Variants in COMMD5 observed in about 807,000 individuals in gnomAD.
COMMD5 encodes COMM domain-containing protein 5.
Under a neutral mutation model 6.9 loss-of-function variants are expected in COMMD5, and 10 were observed. That is an observed-to-expected ratio of 1.44 (90% CI 0.89 to 2.45). The LOEUF is 2.45. Ranked by LOEUF, COMMD5 falls within the 30% of genes most tolerant of loss-of-function variation. The pLI is 0.00. For synonymous variants in COMMD5, 127 were observed against 125.3 expected (o/e 1.01, Z -0.09); for missense variants, 234 against 287.8 (o/e 0.81, Z 1.35).
chr8:144,849,427 C>T (rs1428264152), downstream of COMMD5, among the ~76,000 whole-genome samples: 4 of 152,134 alleles, frequency 2.6e-5, no homozygotes, highest in Non-Finnish European at 5.9e-5. Flanking sequence ...CATGTCAGAA[C>T]TGCCCATGGA....
intron 1 of COMMD5, 66 bp downstream of exon 1, chr8:144,852,773 A>C (rs966246150): frequency 1.3e-5 from 2 of 152,040 alleles, no homozygotes; most frequent in Admixed American, 6.5e-5. Flanking sequence ...GGGCGCGGGG[A>C]CCTTGGTGCA....
downstream of COMMD5, among the ~76,000 whole-genome samples, chr8:144,840,617 C>T (rs1417312124): frequency 6.6e-6 from 1 of 152,176 alleles, no homozygotes; most frequent in Non-Finnish European, 1.5e-5. Context: ...GGACAGAAGC[C>T]TGTGCTTACT....
downstream of COMMD5, among the ~76,000 whole-genome samples, chr8:144,839,454 G>A (rs1000025187): frequency 6.6e-5 from 10 of 152,334 alleles, no homozygotes; most frequent in African/African-American, 1.7e-4. Flanking sequence ...AAACCCAGCC[G>A]CCCATTAAAA....
At chr8:144,844,709 CAAAAAAAAAAAAAAAAA>C (rs71320849) in intron 1 of COMMD5, among the ~76,000 whole-genome samples, 11 of 88,636 alleles carry the variant, frequency 1.2e-4, no homozygotes, top group African/African-American at 1.7e-4. Flanking sequence ...GACTCTGTAT[CAAAAAAAAAAAAAAAAA>C]AAAAAAAAAA....
upstream of COMMD5, chr8:144,853,173 G>C (rs1183300991): frequency 2.6e-5 from 4 of 152,118 alleles, no homozygotes; most frequent in Non-Finnish European, 5.9e-5. Flanking sequence ...CGGGGGAATC[G>C]GGGGTCGCCG....
At chr8:144,838,859 GT>G (rs1829430858), downstream of COMMD5, 1 of 36,766 alleles carries the variant, frequency 2.7e-5, no homozygotes, top group Non-Finnish European at 1.0e-4. Flanking sequence ...GGAGAATGGT[GT>G]GAGCCCAGGA....
downstream of COMMD5, chr8:144,845,834 A>C (rs976401273): frequency 1.1e-5 from 8 of 744,526 alleles, no homozygotes; most frequent in African/African-American, 1.2e-4. Flanking sequence ...TCACACCGGA[A>C]CTTCTGTGCA....
downstream of COMMD5, chr8:144,847,530 TC>T (rs1830573336): frequency 6.6e-6 from 1 of 152,218 alleles, no homozygotes; most frequent in Non-Finnish European, 1.5e-5. Flanking sequence ...GCTTTTTATC[TC>T]AACTATCAGA....
Position 144,850,763 on chromosome 8 carries a change from G to T in COMMD5, c.576C>A (p.Val192=). Residue 192 remains valine (V), a synonymous_variant, in exon 2 of 2, where the codon GTC becomes GTA. Transcript: ENST00000305103. This position sits in a 1 kb window ranked among gnomAD's most constrained non-coding sequence, Gnocchi z 4.0. ...GCAGCTCCTGGAACTTGGCTGTGGGGACCTCAAAGCGGTATGCTGACCCAT... is the reference window on the plus strand; with the variant it reads ...GCAGCTCCTGGAACTTGGCTGTGGGTACCTCAAAGCGGTATGCTGACCCAT... ...LSDGSAYRFE[V]PTAKFQELRY... 3 of 1,614,164 alleles carry T rather than the reference G, an allele frequency of 1.9e-6. No individual in the cohort carries two copies. The highest frequency in any genetic ancestry group is 2.5e-6 in the Non-Finnish European group (3 of 1,180,044).
downstream of COMMD5, chr8:144,838,744 C>T (rs1285467354): frequency 6.6e-6 from 1 of 152,324 alleles, no homozygotes; most frequent in Non-Finnish European, 1.5e-5. Flanking sequence ...AGATCGAGAC[C>T]ATCCTGGCCA....
intron 1 of COMMD5, chr8:144,843,231 T>G (rs1830206193): frequency 6.7e-7 from 1 of 1,483,442 alleles, no homozygotes. Flanking sequence ...ACTTATTTTA[T>G]ATGGAATCGT....
exon 2 of COMMD5, chr8:144,841,076 A>G (rs1348013547): frequency 2.4e-6 from 1 of 411,810 alleles, no homozygotes; most frequent in Non-Finnish European, 4.4e-6. Context: ...ACTGTGCCCC[A>G]CACCAGTGCC....
chr8:144,848,444 T>C (rs1830606520), downstream of COMMD5, among the ~76,000 whole-genome samples: 1 of 148,870 alleles, frequency 6.7e-6, no homozygotes, highest in African/African-American at 2.5e-5. Flanking sequence ...TTGCAATGAG[T>C]CGAGATCGTG....
chr8:144,842,753 G>C, intron 1 of COMMD5: 1 of 1,614,226 alleles, frequency 6.2e-7, no homozygotes, highest in Non-Finnish European at 8.5e-7. Context: ...GTTCACACTG[G>C]AGAGAGGCCC....
At chr8:144,842,897 T>C (rs372906310) in intron 1 of COMMD5, 13 of 1,614,202 alleles carry the variant, frequency 8.1e-6, no homozygotes, top group East Asian at 4.5e-5. Flanking sequence ...TCATATCTTA[T>C]TGAACACCAG....
chr8:144,842,827 A>C, intron 1 of COMMD5: 1 of 1,614,218 alleles, frequency 6.2e-7, no homozygotes, highest in South Asian at 1.1e-5. Context: ...ACACCAGATA[A>C]TTCATGCAGG....
In COMMD5 at chr8:144,850,845, G is replaced by A; in HGVS notation, c.494C>T (p.Thr165Ile). The change falls in exon 2 of 2, where the codon ACC becomes ATC. Residue 165 changes from threonine to isoleucine, a missense_variant. Physicochemically the swap from Thr to Ile is moderately conservative, Grantham distance 89. Transcript: ENST00000305103. This position sits in a 1 kb window ranked among gnomAD's most constrained non-coding sequence, Gnocchi z 4.0. ...CTGCAGGGAGCGAGCCAGGGCACTG[G>A]TGGAGATTGCTACATCCACCCGCCA... is the stretch of plus-strand genomic sequence containing the variant. ...FRWRVDVAIS[T>I]SALARSLQPS... 4 of 1,613,738 alleles carry A rather than the reference G, an allele frequency of 2.5e-6. No homozygotes were observed. The highest frequency in any genetic ancestry group is 3.4e-6 in the Non-Finnish European group (4 of 1,179,986).
intron 1 of COMMD5, among the ~76,000 whole-genome samples, chr8:144,844,733 A>AAAAAAAAAAAAAC (rs1563850697): frequency 7.6e-6 from 1 of 132,432 alleles, no homozygotes; most frequent in African/African-American, 3.0e-5. Flanking sequence ...AAAAAAAAAA[A>AAAAAAAAAAAAAC]AAACGAAAAT....
Position 144,851,404 on chromosome 8 carries a change from G to C in COMMD5, c.-57-9C>G. The C allele has an allele frequency of 6.5e-7, 1 of 1,528,262 alleles. No individual in the cohort carries two copies. Among genetic ancestry groups the C allele is most frequent in the Non-Finnish European group, 8.9e-7 (1 of 1,127,344 alleles). The allele number at this position is 1,528,262 out of a possible 1,614,324, so 94.7% of individuals were successfully genotyped here. ...GTCCCAGATGCAGATGCCTAGAGTG[G>C]GGTGGAGGAGAGAAGACCAGTGACT... On this transcript the variant is annotated splice_polypyrimidine_tract_variant and intron_variant, in intron 1 of 1. Coordinates refer to ENST00000305103, the MANE Select transcript of COMMD5 (RefSeq NM_014066.4).
Sources: gnomAD v4.1 joint callset for allele counts (sites outside exome capture counted in the v4.1 genomes callset) on GRCh38, gnomAD v4.1.1 for gene constraint, Gnocchi (gnomAD v3.1) non-coding constraint, MANE v1.5 for transcripts, NCBI Gene and HGNC (gene_info 2026-07-23, HGNC 2026-07-21) for gene names.